Variants in TOP1MT observed in about 807,000 individuals in gnomAD.
TOP1MT encodes the protein DNA topoisomerase I mitochondrial.
Under a neutral mutation model 73.9 loss-of-function variants are expected in TOP1MT, and 80 were observed. That is an observed-to-expected ratio of 1.08 (90% confidence interval 0.90 to 1.30). The LOEUF (loss-of-function observed/expected upper bound fraction) is 1.30. Ranked by LOEUF, TOP1MT falls within the 50% of genes most tolerant of loss-of-function variation. The pLI, the probability that TOP1MT is intolerant of heterozygous loss-of-function variation, is 0.00. For synonymous variants in TOP1MT, 338 were observed against 326.4 expected (o/e 1.04, Z -0.38); for missense variants, 815 against 808.0 (o/e 1.01, Z -0.10).
upstream of TOP1MT, among the ~76,000 whole-genome samples, chr8:143,346,239 G>A (rs1817218889): frequency 6.6e-6 from 1 of 152,190 alleles, no homozygotes; most frequent in African/African-American, 2.4e-5. Flanking sequence ...CAGGAGTGAA[G>A]AGGAAATGCC....
At chr8:143,324,763 A>G in intron 5 of TOP1MT, 134 bp from the exon 6 acceptor site, 1 of 1,134,910 alleles carries the variant, frequency 8.8e-7, no homozygotes, top group Non-Finnish European at 1.2e-6. Flanking sequence ...GTCTGGCATC[A>G]GAGGTGGCCT....
chr8:143,310,460 A>T, intron 12 of TOP1MT: 1 of 387,116 alleles, frequency 2.6e-6, no homozygotes, highest in Non-Finnish European at 4.6e-6. Context: ...TCAGGACCTG[A>T]CTCGCAGGAG....
At chr8:143,345,780 C>T (rs11778604), upstream of TOP1MT, among the ~76,000 whole-genome samples, 1 of 152,162 alleles carries the variant, frequency 6.6e-6, no homozygotes, top group African/African-American at 2.4e-5. Flanking sequence ...TCCAAATCAT[C>T]GACACTTTTT....
chr8:143,346,749 C>T (rs1431831765), upstream of TOP1MT, among the ~76,000 whole-genome samples: 2 of 152,154 alleles, frequency 1.3e-5, no homozygotes, highest in African/African-American at 4.8e-5. Flanking sequence ...AGGCCAAAAT[C>T]AAGAAGCTGC....
chr8:143,330,397 C>A (rs1275886551), intron 2 of TOP1MT, among the ~76,000 whole-genome samples: 1 of 152,234 alleles, frequency 6.6e-6, no homozygotes, highest in Non-Finnish European at 1.5e-5. Context: ...TCAGTAAGGT[C>A]CCATGGCCTC....
At chr8:143,329,064 C>T (rs1816781303) in intron 3 of TOP1MT, among the ~76,000 whole-genome samples, 1 of 152,166 alleles carries the variant, frequency 6.6e-6, no homozygotes, top group African/African-American at 2.4e-5. Flanking sequence ...GTAAGGACCA[C>T]AAATCGGCCT....
intron 6 of TOP1MT, 126 bp downstream of exon 6, chr8:143,324,359 G>A: frequency 2.1e-6 from 3 of 1,457,194 alleles, no homozygotes; most frequent in Non-Finnish European, 2.8e-6. Flanking sequence ...CATGACCTCA[G>A]CACGGGCTGG....
chr8:143,346,950 C>CTTCTTTCTTTCT (rs756881820), upstream of TOP1MT, among the ~76,000 whole-genome samples: 13 of 138,286 alleles, frequency 9.4e-5, no homozygotes, highest in African/African-American at 3.5e-4. Context: ...AAAAGCCTCA[C>CTTCTTTCTTTCT]TTCTTTATTT....
intron 4 of TOP1MT, 139 bp downstream of exon 4, chr8:143,326,083 C>T (rs1298490402): frequency 5.3e-6 from 5 of 945,734 alleles, no homozygotes; most frequent in East Asian, 5.3e-5. Flanking sequence ...CATGCAGGGG[C>T]GCTAAGGCTG....
At chr8:143,311,644 G>C (rs370322655) in intron 12 of TOP1MT, among the ~76,000 whole-genome samples, 1 of 152,148 alleles carries the variant, frequency 6.6e-6, no homozygotes, top group East Asian at 1.9e-4. Flanking sequence ...TACTCAGGAG[G>C]CTGAGGCAGG....
chr8:143,310,200 C>G lies in TOP1MT; in HGVS notation c.1571G>C (p.Arg524Thr). The change falls in exon 13 of 14, where the codon AGG (arginine) becomes ACG (threonine). Residue 524 changes from arginine (R) to threonine (T), a missense_variant. Coordinates refer to ENST00000329245, the MANE Select transcript of TOP1MT (RefSeq NM_052963.3). ...CTCCTGCAGCTTCTCCAGGAGCCGC[C>G]TCTTCTTCTCCAGGACACTGGCAAG... ...GKSRSVLEKKRRLLEKLQEQL... is the reference protein window; with the variant it reads ...GKSRSVLEKKTRLLEKLQEQL... 6.3e-7 allele frequency: 1 copy of G among 1,578,006 alleles called. No individual in the cohort carries two copies. The highest frequency in any genetic ancestry group is 1.1e-5 in the South Asian group (1 of 87,304).
upstream of TOP1MT, chr8:143,359,138 G>T: frequency 1.2e-6 from 1 of 818,806 alleles, no homozygotes; most frequent in Non-Finnish European, 1.5e-6. Context: ...CACCGCACCG[G>T]CCCTTAAGTA....
intron 6 of TOP1MT, 143 bp from the exon 7 acceptor site, chr8:143,324,285 G>T (rs1816643223): frequency 7.4e-7 from 1 of 1,356,856 alleles, no homozygotes; most frequent in Non-Finnish European, 1.0e-6. Context: ...AATCTAGCTG[G>T]GTGATGCCGG....
At chr8:143,325,119 G>A (rs1816669019) in intron 5 of TOP1MT, among the ~76,000 whole-genome samples, 1 of 152,232 alleles carries the variant, frequency 6.6e-6, no homozygotes, top group Admixed American at 6.5e-5. Context: ...CTTGGCGGGA[G>A]AAAGTCTCAG....
upstream of TOP1MT, among the ~76,000 whole-genome samples, chr8:143,345,943 G>C (rs1262441928): frequency 6.6e-6 from 1 of 152,244 alleles, no homozygotes; most frequent in Non-Finnish European, 1.5e-5. Context: ...CATCACCAGG[G>C]AGATGCCGGG....
In TOP1MT at chr8:143,325,101, G is replaced by A. The variant is rs1044412238; in HGVS notation, c.671+245C>T. ...TGGTGTGGGATATGAAAACCACATG[G>A]AGGTGTCCTTGGCGGGAGAAAGTCT... On this transcript the variant is annotated intron_variant, in intron 5 of 13. Transcript: ENST00000329245. 2.0e-5 allele frequency among the ~76,000 whole-genome samples: 3 copies of A among 152,236 alleles called. No homozygotes were observed. The East Asian group carries it at 5.8e-4, about 29-fold the overall frequency.
At chr8:143,323,102 C>T (rs1816562548) in intron 7 of TOP1MT, among the ~76,000 whole-genome samples, 1 of 139,374 alleles carries the variant, frequency 7.2e-6, no homozygotes, top group Non-Finnish European at 1.5e-5. Flanking sequence ...ATGCCAAACA[C>T]GCACGCCACA....
intron 1 of TOP1MT, among the ~76,000 whole-genome samples, chr8:143,332,841 G>A (rs1015029615): frequency 1.3e-5 from 2 of 151,444 alleles, no homozygotes; most frequent in African/African-American, 2.4e-5. Context: ...CCAACATGGC[G>A]AAAGTACAAA....
chr8:143,325,575 AAG>A (rs758605036), intron 4 of TOP1MT, 42 bp from the exon 5 acceptor site: 4 of 1,573,794 alleles, frequency 2.5e-6, no homozygotes, highest in African/African-American at 1.4e-5. Context: ...CAGTGAAGAG[AAG>A]AGAACAGGCC....
Sources: allele counts gnomAD v4.1 joint callset (sites outside exome capture counted in the v4.1 genomes callset), GRCh38; gene constraint gnomAD v4.1.1; transcripts MANE v1.5; gene names NCBI Gene and HGNC (gene_info 2026-07-23, HGNC 2026-07-21).